The following NAV2 variants were observed in gnomAD, a reference collection of about 807,000 sequenced individuals.
The protein encoded by NAV2 is neuron navigator 2, also known as helicase, APC down-regulated 1.
NAV2 carries 54 observed loss-of-function variants against 223.2 expected under a neutral mutation model. The ratio of observed to expected loss-of-function variants is 0.24; its 90% confidence interval spans 0.19 to 0.30. NAV2 has a LOEUF of 0.30. Ranked by LOEUF, NAV2 falls within the 10% of genes least tolerant of loss-of-function variation. The pLI, the probability that NAV2 is intolerant of heterozygous loss-of-function variation, is 1.00. For missense variants in NAV2, 2,806 were observed against 3,147.5 expected (o/e 0.89, Z 2.60); for synonymous variants, 1,279 against 1,239.3 (o/e 1.03, Z -0.67).
chr11:20,109,715 A>T (rs1178206026), intron 36 of NAV2, among the ~76,000 whole-genome samples: 3 of 152,206 alleles, frequency 2.0e-5, no homozygotes, highest in Non-Finnish European at 4.4e-5. Context: ...TTTGCCCCTG[A>T]TTCCACCTCA....
intron 6 of NAV2, among the ~76,000 whole-genome samples, chr11:19,903,317 G>A (rs768368949): frequency 1.3e-5 from 2 of 152,130 alleles, no homozygotes; most frequent in Non-Finnish European, 2.9e-5. Flanking sequence ...CATGCTACAC[G>A]GTGGTTTGTG....
rs72080375 is a variant in NAV2, at chr11:19,618,492, AGATGGATGGATG to A, written c.76-213954_76-213943del. 3.9e-3 allele frequency among the ~76,000 whole-genome samples: 531 copies of A among 137,096 alleles called. 4 individuals are homozygous for A. The highest frequency in any genetic ancestry group is 0.013 in the African/African-American group (464 of 35,928). The allele number at this position is 137,096 out of a possible 152,430, so 89.9% of individuals were successfully genotyped here. A position where few individuals can be genotyped will look rare whatever the true frequency, so the allele number is the denominator to read the frequency against. On this transcript the variant is annotated intron_variant, in intron 1 of 37. Transcript: ENST00000360655. Reference sequence around the variant, plus strand: ...TGAATGGCTATATGGCTGTCTGGATAGATGGATGGATGGATGGATGGATGGATGGATGGATGG... The same window carrying A: ...TGAATGGCTATATGGCTGTCTGGATAGATGGATGGATGGATGGATGGATGG...
At chr11:20,050,689 C>G (rs2057912366) in intron 16 of NAV2, among the ~76,000 whole-genome samples, 1 of 152,088 alleles carries the variant, frequency 6.6e-6, no homozygotes, top group Admixed American at 6.5e-5. Context: ...TTGACTTCAT[C>G]AGCCAGCAAG....
At chr11:20,110,744 T>A (rs1020957734) in intron 36 of NAV2, among the ~76,000 whole-genome samples, 2 of 152,110 alleles carry the variant, frequency 1.3e-5, no homozygotes, top group Admixed American at 1.3e-4. Flanking sequence ...TTTTAAAAAA[T>A]TAAAATTCCC....
At chr11:19,651,285 A>G (rs78247170) in intron 1 of NAV2, among the ~76,000 whole-genome samples, 4,212 of 152,352 alleles carry the variant, frequency 0.028, 179 homozygotes, top group African/African-American at 0.085. Flanking sequence ...CAAGGGTTCT[A>G]TAAGAGCAGA....
intron 4 of NAV2, among the ~76,000 whole-genome samples, chr11:19,873,142 A>T (rs1014245485): frequency 1.3e-5 from 2 of 152,300 alleles, no homozygotes; most frequent in Admixed American, 1.3e-4. Flanking sequence ...GGCATATTCT[A>T]TCTAGTTCAG....
intron 1 of NAV2, among the ~76,000 whole-genome samples, chr11:19,512,662 G>A (rs540350602): frequency 2.8e-4 from 42 of 152,318 alleles, no homozygotes; most frequent in Middle Eastern, 3.4e-3. Context: ...CCAGGTGGAA[G>A]CCACTTTCCT....
At chr11:19,549,929 G>A (rs896178250) in intron 1 of NAV2, among the ~76,000 whole-genome samples, 1 of 152,238 alleles carries the variant, frequency 6.6e-6, no homozygotes, top group Non-Finnish European at 1.5e-5. Context: ...ATTAACAGGA[G>A]AGCAAAAGAA....
chr11:20,035,907 A>C, intron 11 of NAV2, 52 bp from the exon 12 acceptor site: 3 of 1,609,902 alleles, frequency 1.9e-6, no homozygotes, highest in Non-Finnish European at 2.5e-6. Flanking sequence ...CATCAGCCTG[A>C]GCTGGAACAG....
intron 1 of NAV2, among the ~76,000 whole-genome samples, chr11:19,532,131 T>C (rs2044044587): frequency 6.6e-6 from 1 of 152,236 alleles, no homozygotes; most frequent in African/African-American, 2.4e-5. Flanking sequence ...GGGAGATTCA[T>C]GGCCCATTTC....
chr11:19,680,722 G>C (rs1388490869), intron 1 of NAV2, among the ~76,000 whole-genome samples: 1 of 152,214 alleles, frequency 6.6e-6, no homozygotes, highest in Non-Finnish European at 1.5e-5. Flanking sequence ...GTTCCTGTGA[G>C]AATGAGAGCT....
intron 1 of NAV2, among the ~76,000 whole-genome samples, chr11:19,461,813 G>T (rs4757002): frequency 2.6e-5 from 4 of 152,042 alleles, no homozygotes; most frequent in Non-Finnish European, 4.4e-5. Flanking sequence ...CTTATATCTC[G>T]GTTATGAACA....
In NAV2 at chr11:19,764,110, G is replaced by A. The variant is rs530113696; in HGVS notation, c.267+50148G>A. ...TAGAACAAGTGGATTGGCACAGGAC[G>A]AACACGTGCCTTAGTGAAATCATGA... On this transcript the variant is annotated intron_variant, in intron 1 of 37. Transcript: ENST00000349880. 7.4e-4 allele frequency among the ~76,000 whole-genome samples: 113 copies of A among 152,282 alleles called. 1 individual carries two copies. The highest frequency in any genetic ancestry group is 9.8e-4 in the Admixed American group (15 of 15,302).
chr11:20,060,308 A>C (rs1402694804), intron 19 of NAV2, among the ~76,000 whole-genome samples: 2 of 152,260 alleles, frequency 1.3e-5, no homozygotes, highest in Non-Finnish European at 2.9e-5. Context: ...TTGGCCTCCA[A>C]CATAATTCCT....
chr11:19,773,279 C>T (rs754997057), intron 1 of NAV2, among the ~76,000 whole-genome samples: 4 of 152,068 alleles, frequency 2.6e-5, no homozygotes, highest in Admixed American at 6.5e-5. Context: ...TATGGTGGGA[C>T]GGGAAAGGTC....
At chr11:19,969,600 A>G (rs2049051431) in intron 10 of NAV2, among the ~76,000 whole-genome samples, 1 of 152,160 alleles carries the variant, frequency 6.6e-6, no homozygotes, top group African/African-American at 2.4e-5. Flanking sequence ...TTTCCTATGC[A>G]TACATACCTG....
chr11:19,797,049 A>ACCCCG, intron 1 of NAV2, among the ~76,000 whole-genome samples: 1 of 152,266 alleles, frequency 6.6e-6, no homozygotes, highest in Non-Finnish European at 1.5e-5. Context: ...CTCAAATGGT[A>ACCCCG]TGAGGGGTCA....
chr11:19,539,667 C>T (rs1232952737), intron 1 of NAV2, among the ~76,000 whole-genome samples: 1 of 152,146 alleles, frequency 6.6e-6, no homozygotes, highest in African/African-American at 2.4e-5. Flanking sequence ...ACTGAGACAA[C>T]ACAGCCATTT....
chr11:19,693,275 G>A (rs1488443876), intron 1 of NAV2, among the ~76,000 whole-genome samples: 2 of 152,228 alleles, frequency 1.3e-5, no homozygotes, highest in Non-Finnish European at 2.9e-5. Context: ...TGAGATAGCC[G>A]ATGGCTTGTT....
Sources: gnomAD v4.1 joint callset for allele counts (sites outside exome capture counted in the v4.1 genomes callset) on GRCh38, gnomAD v4.1.1 for gene constraint, MANE v1.5 for transcripts, NCBI Gene and HGNC (gene_info 2026-07-23, HGNC 2026-07-21) for gene names.